CFAP46: variants seen among roughly 807,000 people sequenced by gnomAD.
CFAP46 encodes the protein cilia and flagella associated protein 46, also known as cilia- and flagella-associated protein 46.
Under a neutral mutation model 325.7 loss-of-function variants are expected in CFAP46, and 245 were observed. The ratio of observed to expected loss-of-function variants is 0.75; its 90% CI spans 0.68 to 0.84. The LOEUF (loss-of-function observed/expected upper bound fraction) is 0.84. Among genes scored for constraint, CFAP46 ranks in the 40% least tolerant of loss-of-function variants. CFAP46 has a pLI of 0.00. For missense variants in CFAP46, 3,346 were observed against 3,543.0 expected, an observed-to-expected ratio of 0.94 and a Z score of 1.41; for synonymous variants, 1,523 against 1,495.9, an observed-to-expected ratio of 1.02 and a Z score of -0.42.
chr10:132,836,111 C>T, intron 46 of CFAP46, 31 bp downstream of exon 46: 1 of 1,562,728 alleles, frequency 6.4e-7, no homozygotes, highest in Middle Eastern at 1.7e-4. Flanking sequence ...CTGCCCTGCT[C>T]CCCCTCCCCC....
At chr10:132,857,872 TA>T in intron 38 of CFAP46, 84 bp from the exon 39 acceptor site, 1 of 1,170,314 alleles carries the variant, frequency 8.5e-7, no homozygotes, top group African/African-American at 1.6e-5. Context: ...TCATACTGTA[TA>T]TTTTATTAGT....
At position 132,825,414 on chromosome 10, in the gene CFAP46, C is replaced by T. The variant is rs145198350; in HGVS notation, c.7117+7944G>A. Among the ~76,000 whole-genome samples the T allele has an allele frequency of 6.8e-3, 1,041 of 152,222 alleles. 13 individuals are homozygous for T. The highest frequency in any genetic ancestry group is 0.011 in the Admixed American group (172 of 15,288). ...TAGCATTTCTTACCATCTACAGACA[C>T]GCAATATAAAGGGGCAGGAGGAGCC... On this transcript the variant is annotated intron_variant, in intron 50 of 57. Coordinates refer to ENST00000368586, the MANE Select transcript of CFAP46 (RefSeq NM_001200049.3).
intron 50 of CFAP46, among the ~76,000 whole-genome samples, chr10:132,821,489 G>A (rs1447651503): frequency 2.1e-5 from 3 of 144,420 alleles, no homozygotes; most frequent in Non-Finnish European, 3.0e-5. Flanking sequence ...TGCTGTGTGA[G>A]TGCTGATGTG....
chr10:132,918,734 C>T (rs1177003640), intron 15 of CFAP46, among the ~76,000 whole-genome samples: 2 of 152,094 alleles, frequency 1.3e-5, no homozygotes, highest in Non-Finnish European at 2.9e-5. Flanking sequence ...AGTGCTGGCT[C>T]CCAGCCAGGG....
chr10:132,920,267 G>A (rs780120915), intron 13 of CFAP46, 85 bp from the exon 14 acceptor site: 114 of 1,418,640 alleles, frequency 8.0e-5, no homozygotes, highest in Non-Finnish European at 9.9e-5. Context: ...GCCCTGCGCC[G>A]GCGCCGGGGT....
chr10:132,848,051 T>C (rs1202576402), intron 41 of CFAP46, among the ~76,000 whole-genome samples: 3 of 151,860 alleles, frequency 2.0e-5, no homozygotes, highest in Non-Finnish European at 4.4e-5. Flanking sequence ...GCACACGCCG[T>C]TCAGACGTGT....
At chr10:132,834,405 G>T (rs568892171) in intron 48 of CFAP46, among the ~76,000 whole-genome samples, 1 of 152,254 alleles carries the variant, frequency 6.6e-6, no homozygotes, top group South Asian at 2.1e-4. Flanking sequence ...GGAGGTGCTT[G>T]CCCTCCCACC....
intron 22 of CFAP46, among the ~76,000 whole-genome samples, chr10:132,902,083 T>G (rs1022130222): frequency 1.2e-4 from 18 of 152,174 alleles, no homozygotes; most frequent in African/African-American, 3.6e-4. Flanking sequence ...GTGGTTTTCT[T>G]TGCGTTTATC....
At position 132,886,986 on chromosome 10, in the gene CFAP46, CTCTT is replaced by C. The variant is rs1849141534; in HGVS notation, c.3305-1031_3305-1028del. ...GAGGTCAGTGAAGGATCTGTCTTCT[CTCTT>C]TTCTCTTCTCTCTCTCTCGCCTCTC... On this transcript the variant is annotated intron_variant, in intron 25 of 57. Transcript: ENST00000368586. The surrounding 1 kb of genome is among the most constrained non-coding windows in gnomAD (Gnocchi z 5.8). Among the ~76,000 whole-genome samples the C allele has an allele frequency of 6.6e-6, 1 of 152,068 alleles. No individual in the cohort carries two copies. The highest frequency in any genetic ancestry group is 1.5e-5 in the Non-Finnish European group (1 of 68,012).
chr10:132,812,989 T>C (rs1049293494), intron 54 of CFAP46, 92 bp from the exon 55 acceptor site: 12 of 864,606 alleles, frequency 1.4e-5, no homozygotes, highest in Admixed American at 2.2e-5. Context: ...TCCTGCGTGG[T>C]CCACGCCTGT....
intron 24 of CFAP46, among the ~76,000 whole-genome samples, chr10:132,896,480 C>T (rs1022852347): frequency 1.3e-5 from 2 of 152,250 alleles, no homozygotes; most frequent in African/African-American, 2.4e-5. Flanking sequence ...GAAAGCATTC[C>T]TGTTTATAAC....
chr10:132,878,414 C>T (rs1325220216), intron 29 of CFAP46, among the ~76,000 whole-genome samples: 3 of 152,124 alleles, frequency 2.0e-5, no homozygotes, highest in Admixed American at 1.3e-4. Context: ...CCGCACTCTC[C>T]CTGCAGCGGC....
At position 132,869,892 on chromosome 10, in the gene CFAP46, T is replaced by C. The variant is rs1329432443; in HGVS notation, c.4512-520A>G. 1.3e-5 allele frequency among the ~76,000 whole-genome samples: 2 copies of C among 152,172 alleles called. No individual in the cohort carries two copies. The highest frequency in any genetic ancestry group is 2.9e-5 in the Non-Finnish European group (2 of 68,026). ...TGCAACTTGCAGCCTTTCTCCCGGA[T>C]CCTTCAGGGCACAGGCGCCTCCATT... is the stretch of plus-strand genomic sequence containing the variant. On this transcript the variant is annotated intron_variant, in intron 32 of 57. Coordinates refer to ENST00000368586, the MANE Select transcript of CFAP46 (RefSeq NM_001200049.3). The surrounding 1 kb of genome is among the most constrained non-coding windows in gnomAD (Gnocchi z 6.2).
intron 19 of CFAP46, among the ~76,000 whole-genome samples, chr10:132,912,267 TCTCTC>T (rs1849553705): frequency 9.7e-6 from 1 of 103,520 alleles, no homozygotes; most frequent in African/African-American, 3.7e-5. Flanking sequence ...TTCCCTCTCC[TCTCTC>T]TTCTCCTCTC....
At chr10:132,887,632 T>C in intron 25 of CFAP46, among the ~76,000 whole-genome samples, 1 of 58,118 alleles carries the variant, frequency 1.7e-5, no homozygotes. Flanking sequence ...TTCTCTCCTC[T>C]CCCTTCTTCT....
chr10:132,839,579 G>A (rs1487410810), intron 44 of CFAP46, among the ~76,000 whole-genome samples: 1 of 152,170 alleles, frequency 6.6e-6, no homozygotes, highest in African/African-American at 2.4e-5. Context: ...AGTGCTGATA[G>A]GGTGTGCATT....
chr10:132,922,725 G>A lies in CFAP46; in HGVS notation c.1257-17C>T. The A allele has an allele frequency of 6.5e-7, 1 of 1,535,104 alleles. No homozygotes were observed. Among genetic ancestry groups the A allele is most frequent in the Non-Finnish European group, 8.8e-7 (1 of 1,134,954 alleles). On this transcript the variant is annotated splice_polypyrimidine_tract_variant and intron_variant, in intron 11 of 57. Coordinates refer to ENST00000368586, the MANE Select transcript of CFAP46 (RefSeq NM_001200049.3). ...GTCATGAGGCTGCGGGGGTGGCGTG[G>A]CATCAGGGGCCCTGGCGGCGCTGCG...
chr10:132,865,026 G>A (rs1848793716), intron 35 of CFAP46, among the ~76,000 whole-genome samples: 1 of 152,156 alleles, frequency 6.6e-6, no homozygotes, highest in Admixed American at 6.5e-5. Flanking sequence ...ACCTCTCAAG[G>A]CTTTGATGGG....
In CFAP46 at chr10:132,835,352, C is replaced by T. The variant is rs146319222; in HGVS notation, c.6696G>A (p.Gln2232=). ...CCTCACTGTACACCTGGGCCTGGGTCTGCTTCCGGAACTGCTGGGCACAGG... is the reference window on the plus strand; with the variant it reads ...CCTCACTGTACACCTGGGCCTGGGTTTGCTTCCGGAACTGCTGGGCACAGG... The part of the protein sequence containing the change: ...LLACAQQFRK[Q]TQAQVYSEDM... The change falls in exon 47 of 58, where the codon CAG becomes CAA. Residue 2232 remains glutamine, a synonymous_variant. Transcript: ENST00000368586. 71 of 1,613,652 alleles carry T rather than the reference C, an allele frequency of 4.4e-5. No homozygotes were observed. In the African/African-American group the frequency reaches 7.9e-4, roughly 18 times the overall value.
Sources: allele counts gnomAD v4.1 joint callset (sites outside exome capture counted in the v4.1 genomes callset), GRCh38; gene constraint gnomAD v4.1.1; non-coding constraint Gnocchi (gnomAD v3.1); transcripts MANE v1.5; gene names NCBI Gene and HGNC (gene_info 2026-07-23, HGNC 2026-07-21).